SRBD1: variants seen among roughly 807,000 people sequenced by gnomAD.
The protein encoded by SRBD1 is S1 RNA binding domain 1.
A neutral mutation model predicts 115.3 loss-of-function variants in SRBD1; 88 were observed. The ratio of observed to expected loss-of-function variants is 0.76; its 90% CI spans 0.64 to 0.91. The LOEUF (loss-of-function observed/expected upper bound fraction) is 0.91. Among genes scored for constraint, SRBD1 ranks in the 40% least tolerant of loss-of-function variants. The probability of loss-of-function intolerance (pLI) is 0.00; values close to 1 mark genes in which losing one functional copy is unlikely to be tolerated. For synonymous variants in SRBD1, 509 were observed against 407.7 expected (o/e 1.25, Z -2.99); for missense variants, 1,385 against 1,177.4 (o/e 1.18, Z -2.58).
At chr2:45,467,659 C>T (rs1418370203) in intron 16 of SRBD1, among the ~76,000 whole-genome samples, 1 of 152,048 alleles carries the variant, frequency 6.6e-6, no homozygotes, top group Admixed American at 6.6e-5. Context: ...AAAACTGTGC[C>T]TTACAAAGCA....
intron 16 of SRBD1, among the ~76,000 whole-genome samples, chr2:45,449,419 G>T (rs980595380): frequency 1.3e-5 from 2 of 152,128 alleles, no homozygotes; most frequent in Non-Finnish European, 2.9e-5. Flanking sequence ...CATAAAATAA[G>T]TGATTTTAAA....
rs993372005 is a variant in SRBD1, at chr2:45,605,370, G to A, written c.72C>T (p.Phe24=). The change falls in exon 2 of 21, where the codon TTC becomes TTT. Residue 24 remains phenylalanine, a synonymous_variant. Coordinates refer to ENST00000263736, the MANE Select transcript of SRBD1 (RefSeq NM_018079.5). ...DVVLKDEFSS[F]SELSSASEED... ...TAAACCAGTATGCTTACAACTCAGA[G>A]AATGAAGAAAATTCATCTTTCAGTA... 6.2e-7 allele frequency: 1 copy of A among 1,613,222 alleles called. No individual in the cohort carries two copies. The highest frequency in any genetic ancestry group is 8.5e-7 in the Non-Finnish European group (1 of 1,179,782).
At chr2:45,594,071 A>G (rs373795344) in intron 4 of SRBD1, among the ~76,000 whole-genome samples, 1 of 152,218 alleles carries the variant, frequency 6.6e-6, no homozygotes, top group Non-Finnish European at 1.5e-5. Flanking sequence ...AAATTATATT[A>G]ACAAAAAGTA....
At position 45,389,530 on chromosome 2, in the gene SRBD1, G is replaced by A. The variant is rs769001326; in HGVS notation, c.2768C>T (p.Thr923Ile). The A allele has an allele frequency of 6.2e-7, 1 of 1,613,944 alleles. No individual in the cohort carries two copies. Among genetic ancestry groups the A allele is most frequent in the Non-Finnish European group, 8.5e-7 (1 of 1,179,950 alleles). The change falls in exon 21 of 21, where the codon ACA (threonine) becomes ATA (isoleucine). Residue 923 changes from threonine (T) to isoleucine (I), a missense_variant. Transcript: ENST00000263736. Reference protein sequence around the residue: ...LEDLQIGTVLTGKVENATLFG... With the variant: ...LEDLQIGTVLIGKVENATLFG... ...GAGAGTGGCATTCTCAACTTTGCCT[G>A]TAAGAACTGTCCCAATCTGCAGATC... is the stretch of plus-strand genomic sequence containing the variant.
At chr2:45,486,982 G>A (rs1670140908) in intron 15 of SRBD1, among the ~76,000 whole-genome samples, 1 of 152,070 alleles carries the variant, frequency 6.6e-6, no homozygotes, top group African/African-American at 2.4e-5. Flanking sequence ...AGGAGACAGA[G>A]ATCACGCTGA....
At chr2:45,526,464 C>T (rs59432884) in intron 14 of SRBD1, among the ~76,000 whole-genome samples, 18,584 of 151,672 alleles carry the variant, frequency 0.12, 1,206 homozygotes, top group East Asian at 0.2. Flanking sequence ...GGTGAGAATG[C>T]GGTGATGGGA....
At chr2:45,530,268 C>G (rs1023462157) in intron 14 of SRBD1, among the ~76,000 whole-genome samples, 1 of 152,012 alleles carries the variant, frequency 6.6e-6, no homozygotes, top group African/African-American at 2.4e-5. Context: ...TAATATCTTA[C>G]GATCCTTGAC....
chr2:45,449,963 G>T lies in SRBD1; in HGVS notation c.2049+27030C>A, dbSNP rs551761565. Among the ~76,000 whole-genome samples, 37 of 152,196 alleles carry T rather than the reference G, an allele frequency of 2.4e-4. No individual in the cohort carries two copies. In the East Asian group the frequency reaches 5.6e-3, roughly 23 times the overall value. On this transcript the variant is annotated intron_variant, in intron 16 of 20. Transcript: ENST00000263736. ...TGTATGTCACAGCCCTCTCTCTTAA[G>T]GCAGGTGAAACCAGGTATCACATAC...
rs1210049273 is a variant in SRBD1 at position 45,544,843 on chromosome 2, G to A, written c.1874+1889C>T. ...ACATATTGTTTATTAAACCCTTAGTGTTTTAATTTATGTTATCTCACTTTT... is the reference window on the plus strand; with the variant it reads ...ACATATTGTTTATTAAACCCTTAGTATTTTAATTTATGTTATCTCACTTTT... On this transcript the variant is annotated intron_variant, in intron 14 of 20. Coordinates refer to ENST00000263736, the MANE Select transcript of SRBD1 (RefSeq NM_018079.5). Among the ~76,000 whole-genome samples, 8 of 152,168 alleles carry A rather than the reference G, an allele frequency of 5.3e-5. No homozygotes were observed. In the East Asian group the frequency reaches 1.5e-3, roughly 29 times the overall value.
At chr2:45,476,499 T>A (rs1018148757) in intron 16 of SRBD1, among the ~76,000 whole-genome samples, 2 of 152,140 alleles carry the variant, frequency 1.3e-5, no homozygotes, top group Admixed American at 1.3e-4. Context: ...TCTGCCAAGG[T>A]TTAGTGCTGT....
At chr2:45,491,228 C>T (rs1670283181) in intron 14 of SRBD1, among the ~76,000 whole-genome samples, 1 of 152,086 alleles carries the variant, frequency 6.6e-6, no homozygotes, top group Non-Finnish European at 1.5e-5. Context: ...TTCCAATAAA[C>T]TATTGGGAAA....
rs773641981 is a variant in SRBD1 at position 45,599,778 on chromosome 2, T to A, written c.319A>T (p.Thr107Ser). The A allele has an allele frequency of 9.9e-6, 16 of 1,613,944 alleles. No homozygotes were observed. The East Asian group carries it at 3.3e-4, about 34-fold the overall frequency. Residue 107 changes from threonine to serine, a missense_variant, in exon 4 of 21, where the codon ACT (threonine) becomes TCT (serine). Thr to Ser is a moderately conservative substitution (Grantham distance 58). Coordinates refer to ENST00000263736, the MANE Select transcript of SRBD1 (RefSeq NM_018079.5). ...TTGGCTGTTTTCAGAGTCTGTACAGTATCCAATTTATTTTTTCTGTCTTCT... is the reference window on the plus strand; with the variant it reads ...TTGGCTGTTTTCAGAGTCTGTACAGAATCCAATTTATTTTTTCTGTCTTCT... ...ALEDRKNKLDTVQTLKTAKTK... is the reference protein window; with the variant it reads ...ALEDRKNKLDSVQTLKTAKTK...
At chr2:45,469,518 T>A (rs901214983) in intron 16 of SRBD1, among the ~76,000 whole-genome samples, 7 of 152,178 alleles carry the variant, frequency 4.6e-5, no homozygotes, top group Non-Finnish European at 1.0e-4. Context: ...ACATTTCTTT[T>A]AAAGATAAGT....
intron 16 of SRBD1, among the ~76,000 whole-genome samples, chr2:45,444,379 C>T (rs1255997152): frequency 1.3e-5 from 2 of 152,260 alleles, no homozygotes; most frequent in Middle Eastern, 6.8e-3. Context: ...ACCAAAATAT[C>T]CACATAACTT....
chr2:45,440,379 C>T (rs1386978470), intron 16 of SRBD1, among the ~76,000 whole-genome samples: 1 of 152,174 alleles, frequency 6.6e-6, no homozygotes, highest in East Asian at 1.9e-4. Flanking sequence ...TAGGGCAATA[C>T]TGGCTAAGTA....
chr2:45,449,544 A>T (rs997396515), intron 16 of SRBD1, among the ~76,000 whole-genome samples: 1 of 152,170 alleles, frequency 6.6e-6, no homozygotes, highest in Non-Finnish European at 1.5e-5. Context: ...CTGGATATGT[A>T]TGGTTTTATT....
chr2:45,491,908 G>A (rs534407187), intron 14 of SRBD1, among the ~76,000 whole-genome samples: 36 of 152,000 alleles, frequency 2.4e-4, no homozygotes, highest in Admixed American at 2.0e-4. Context: ...TATTACCTCC[G>A]CCTCCCAGGT....
intron 16 of SRBD1, among the ~76,000 whole-genome samples, chr2:45,433,560 G>C (rs879686265): frequency 6.6e-6 from 1 of 152,160 alleles, no homozygotes; most frequent in Non-Finnish European, 1.5e-5. Context: ...ATCCAAACGA[G>C]TGTGTGCTGA....
intron 4 of SRBD1, among the ~76,000 whole-genome samples, chr2:45,587,303 A>G (rs1673579581): frequency 6.7e-6 from 1 of 148,442 alleles, no homozygotes; most frequent in Admixed American, 6.7e-5. Flanking sequence ...ATTTACAATA[A>G]TATTAAAAGA....
Sources: allele counts gnomAD v4.1 joint callset (sites outside exome capture counted in the v4.1 genomes callset), GRCh38; gene constraint gnomAD v4.1.1; transcripts MANE v1.5; gene names NCBI Gene and HGNC (gene_info 2026-07-23, HGNC 2026-07-21).